Variants in EGFR observed in about 807,000 individuals in gnomAD.
EGFR encodes epidermal growth factor receptor.
In EGFR, 58 loss-of-function variants were observed where a neutral mutation model predicts 143.0. The observed-to-expected ratio is 0.41, with a 90% CI of 0.33 to 0.50. EGFR has a LOEUF of 0.50. Ranked by LOEUF, EGFR falls within the 20% of genes least tolerant of loss-of-function variation. The pLI is 0.39. For synonymous variants in EGFR, 613 were observed against 594.4 expected (o/e 1.03, Z -0.45); for missense variants, 1,307 against 1,579.0 (o/e 0.83, Z 2.92).
At chr7:55,099,606 C>T (rs1791682702) in intron 1 of EGFR, among the ~76,000 whole-genome samples, 1 of 152,212 alleles carries the variant, frequency 6.6e-6, no homozygotes, top group African/African-American at 2.4e-5. Context: ...GGGTTCACCA[C>T]CAGAGCCACC....
At chr7:55,087,273 T>TTAAAAA (rs1562702232) in intron 1 of EGFR, among the ~76,000 whole-genome samples, 2 of 102,118 alleles carry the variant, frequency 2.0e-5, no homozygotes, top group Non-Finnish European at 3.7e-5. Flanking sequence ...TCTCAATTGT[T>TTAAAAA]AAAAAAAAAA....
chr7:55,074,034 A>G (rs758970738), intron 1 of EGFR, among the ~76,000 whole-genome samples: 3 of 152,262 alleles, frequency 2.0e-5, no homozygotes, highest in Non-Finnish European at 2.9e-5. Context: ...GCCCATGGGT[A>G]CTGCAAACAG....
chr7:55,111,658 GTGAGC>G (rs1426591134), intron 1 of EGFR, among the ~76,000 whole-genome samples: 1 of 152,206 alleles, frequency 6.6e-6, no homozygotes. Context: ...GCTCAGTTAA[GTGAGC>G]TAAGATGAGA....
At chr7:55,106,234 C>T (rs1001302179) in intron 1 of EGFR, among the ~76,000 whole-genome samples, 1 of 152,200 alleles carries the variant, frequency 6.6e-6, no homozygotes, top group African/African-American at 2.4e-5. Flanking sequence ...TTGGATGTGT[C>T]AGGTACGCAC....
At chr7:55,077,284 A>G (rs1790183026) in intron 1 of EGFR, among the ~76,000 whole-genome samples, 1 of 152,206 alleles carries the variant, frequency 6.6e-6, no homozygotes, top group Non-Finnish European at 1.5e-5. Flanking sequence ...CAGGGCCTCA[A>G]GCACACAGAA....
chr7:55,066,833 C>T (rs745911058), intron 1 of EGFR, among the ~76,000 whole-genome samples: 1 of 152,200 alleles, frequency 6.6e-6, no homozygotes, highest in Non-Finnish European at 1.5e-5. Flanking sequence ...TTGATGTGTG[C>T]ATTTCTCAAG....
At chr7:55,136,300 G>T (rs943937017) in intron 1 of EGFR, among the ~76,000 whole-genome samples, 41 of 152,246 alleles carry the variant, frequency 2.7e-4, no homozygotes, top group African/African-American at 9.4e-4. Flanking sequence ...GGCCTTTAAA[G>T]CCTAATTAAA....
At chr7:55,199,679 A>G (rs560664337) in intron 23 of EGFR, among the ~76,000 whole-genome samples, 1 of 152,296 alleles carries the variant, frequency 6.6e-6, no homozygotes, top group South Asian at 2.1e-4. Flanking sequence ...GGCAGTAGCC[A>G]TACCTCCAAA....
chr7:55,188,655 C>T (rs559845273), intron 20 of EGFR, among the ~76,000 whole-genome samples: 3 of 152,272 alleles, frequency 2.0e-5, no homozygotes, highest in South Asian at 4.2e-4. Flanking sequence ...GACCTCTGCT[C>T]GGACCCTGGG....
intron 17 of EGFR, 40 bp downstream of exon 17, chr7:55,173,164 C>T: frequency 6.2e-7 from 1 of 1,602,284 alleles, no homozygotes; most frequent in Non-Finnish European, 8.5e-7. Flanking sequence ...GCCCTCGCAC[C>T]CCGACAGGAA....
intron 1 of EGFR, among the ~76,000 whole-genome samples, chr7:55,044,256 C>T (rs192169180): frequency 2.0e-5 from 3 of 152,342 alleles, no homozygotes; most frequent in South Asian, 2.1e-4. Flanking sequence ...GGAGAGAAGG[C>T]AGCTGCTCCA....
At chr7:55,037,433 G>A (rs999333239) in intron 1 of EGFR, among the ~76,000 whole-genome samples, 2 of 152,170 alleles carry the variant, frequency 1.3e-5, no homozygotes, top group African/African-American at 4.8e-5. Flanking sequence ...ACGAGAAGCC[G>A]GAATGGGTTC....
chr7:55,093,303 GA>G (rs1554329473), intron 1 of EGFR, among the ~76,000 whole-genome samples: 2 of 152,154 alleles, frequency 1.3e-5, no homozygotes, highest in Non-Finnish European at 2.9e-5. Flanking sequence ...TTGAAATGAT[GA>G]AAATCATTTT....
chr7:55,061,649 T>TGTGAGCGAGA (rs1432070752), intron 1 of EGFR, among the ~76,000 whole-genome samples: 1 of 132,736 alleles, frequency 7.5e-6, no homozygotes, highest in African/African-American at 3.0e-5. Flanking sequence ...TGTGTGTGTG[T>TGTGAGCGAGA]GAGAGAGAGA....
At chr7:55,103,854 T>C (rs1216815053) in intron 1 of EGFR, among the ~76,000 whole-genome samples, 2 of 152,262 alleles carry the variant, frequency 1.3e-5, no homozygotes, top group East Asian at 3.8e-4. Flanking sequence ...ATCTCTGGTT[T>C]AAGAATAAAG....
At chr7:55,021,961 G>A (rs1050383559) in intron 1 of EGFR, among the ~76,000 whole-genome samples, 42 of 152,296 alleles carry the variant, frequency 2.8e-4, no homozygotes, top group African/African-American at 9.9e-4. Context: ...CCTTGTCCGA[G>A]TTCTGGTTTC....
intron 1 of EGFR, among the ~76,000 whole-genome samples, chr7:55,065,830 CTT>C (rs35171442): frequency 0.031 from 3,746 of 120,366 alleles, 48 homozygotes; most frequent in Middle Eastern, 0.046. Context: ...GACTAAGTGG[CTT>C]TTTTTTTTTT....
intron 1 of EGFR, among the ~76,000 whole-genome samples, chr7:55,041,687 C>T (rs1282147790): frequency 1.3e-5 from 2 of 152,178 alleles, no homozygotes; most frequent in Non-Finnish European, 2.9e-5. Flanking sequence ...CATAAGTTTT[C>T]TCATTGGCCT....
At chr7:55,188,533 A>G (rs951425880) in intron 20 of EGFR, among the ~76,000 whole-genome samples, 3 of 152,178 alleles carry the variant, frequency 2.0e-5, no homozygotes, top group Non-Finnish European at 4.4e-5. Flanking sequence ...TTCCTGTAGT[A>G]ATTAACAAAA....
Sources: gnomAD v4.1 joint callset for allele counts (sites outside exome capture counted in the v4.1 genomes callset) on GRCh38, gnomAD v4.1.1 for gene constraint, MANE v1.5 for transcripts, NCBI Gene and HGNC (gene_info 2026-07-23, HGNC 2026-07-21) for gene names.